PIP4P2: variants seen among roughly 807,000 people sequenced by gnomAD.
The protein encoded by PIP4P2 is phosphatidylinositol-4,5-bisphosphate 4-phosphatase 2, also known as type 2 phosphatidylinositol 4,5-bisphosphate 4-phosphatase.
A neutral mutation model predicts 33.3 loss-of-function variants in PIP4P2; 19 were observed. That is an observed-to-expected ratio of 0.57 (90% CI 0.40 to 0.84). The LOEUF (loss-of-function observed/expected upper bound fraction) is 0.84. Ranked by LOEUF, PIP4P2 falls within the 40% of genes least tolerant of loss-of-function variation. The pLI, the probability that PIP4P2 is intolerant of heterozygous loss-of-function variation, is 0.00. For synonymous variants in PIP4P2, 110 were observed against 111.9 expected (o/e 0.98, Z 0.11); for missense variants, 270 against 324.7 (o/e 0.83, Z 1.29).
intron 1 of PIP4P2, among the ~76,000 whole-genome samples, chr8:91,029,322 G>C (rs1812125750): frequency 6.6e-6 from 1 of 151,846 alleles, no homozygotes; most frequent in South Asian, 2.1e-4. Context: ...AATTACTAAA[G>C]AAATCTAGGA....
intron 5 of PIP4P2, among the ~76,000 whole-genome samples, chr8:91,005,033 G>C (rs540008859): frequency 5.3e-5 from 8 of 152,224 alleles, no homozygotes; most frequent in African/African-American, 1.9e-4. Context: ...TGAAGGAAGG[G>C]AGAAGCCATG....
At chr8:91,025,228 T>C (rs1422673363) in intron 1 of PIP4P2, among the ~76,000 whole-genome samples, 2 of 152,024 alleles carry the variant, frequency 1.3e-5, no homozygotes, top group Non-Finnish European at 2.9e-5. Flanking sequence ...AGAAGAATCA[T>C]TTCACAGTAA....
At chr8:91,001,559 A>G (rs1006572675) in intron 5 of PIP4P2, among the ~76,000 whole-genome samples, 28 of 152,154 alleles carry the variant, frequency 1.8e-4, no homozygotes, top group African/African-American at 6.3e-4. Context: ...GCATGTGTCA[A>G]ATTTGCTACA....
At chr8:91,012,561 T>C (rs1177739293) in intron 4 of PIP4P2, among the ~76,000 whole-genome samples, 1 of 152,142 alleles carries the variant, frequency 6.6e-6, no homozygotes, top group Non-Finnish European at 1.5e-5. Context: ...GTATACAGTG[T>C]TCCCCTAATC....
intron 1 of PIP4P2, among the ~76,000 whole-genome samples, chr8:91,027,818 T>TG (rs931293313): frequency 1.3e-5 from 2 of 152,178 alleles, no homozygotes; most frequent in Admixed American, 6.5e-5. Flanking sequence ...TTAGGAATGT[T>TG]GAAGTGGATT....
chr8:91,019,283 T>TG (rs1178706598), intron 3 of PIP4P2, among the ~76,000 whole-genome samples: 2 of 150,490 alleles, frequency 1.3e-5, no homozygotes, highest in Non-Finnish European at 3.0e-5. Context: ...CTTTTTTTTT[T>TG]TTAAGAGATG....
chr8:91,020,025 AT>A (rs1811983659), intron 3 of PIP4P2, 131 bp downstream of exon 3: 5 of 809,900 alleles, frequency 6.2e-6, no homozygotes, highest in Non-Finnish European at 5.8e-6. Flanking sequence ...TAACAAAAAA[AT>A]AATCTAGATT....
chr8:90,998,541 C>T (rs2130347722), intron 5 of PIP4P2, among the ~76,000 whole-genome samples: 1 of 152,076 alleles, frequency 6.6e-6, no homozygotes, highest in Non-Finnish European at 1.5e-5. Flanking sequence ...ATATATATTA[C>T]TGGTACAAAA....
chr8:91,015,274 A>T (rs1202386058), intron 4 of PIP4P2, among the ~76,000 whole-genome samples: 3 of 152,126 alleles, frequency 2.0e-5, no homozygotes, highest in Non-Finnish European at 4.4e-5. Flanking sequence ...TGATACTAAT[A>T]GCTGACAGCT....
Position 91,020,159 on chromosome 8 carries a change from G to T in PIP4P2, c.360C>A (p.Asn120Lys), listed in dbSNP as rs1811986091. Residue 120 changes from asparagine (N) to lysine (K), a missense_variant and splice_region_variant, in exon 3 of 7, where the codon AAC (asparagine) becomes AAA (lysine). Asn to Lys is a moderately conservative substitution (Grantham distance 94). Transcript: ENST00000285419. ...ATGAATTAATCTTTATCTCTTACCA[G>T]TTGGGTCTTGGGCATCCTATTCGCC... is the stretch of plus-strand genomic sequence containing the variant. Reference protein sequence around the residue: ...TSRRIGCPRPNCRRIINLGPV... With the variant: ...TSRRIGCPRPKCRRIINLGPV... The T allele has an allele frequency of 6.2e-7, 1 of 1,613,050 alleles. No individual in the cohort carries two copies. Among genetic ancestry groups the T allele is most frequent in the Admixed American group, 1.7e-5 (1 of 59,914 alleles).
At chr8:91,020,702 T>C (rs1274793126) in intron 2 of PIP4P2, among the ~76,000 whole-genome samples, 1 of 152,194 alleles carries the variant, frequency 6.6e-6, no homozygotes, top group Non-Finnish European at 1.5e-5. Context: ...AGGAAAGGTG[T>C]TATTCAATAT....
chr8:91,004,327 T>C (rs765476243), intron 5 of PIP4P2, among the ~76,000 whole-genome samples: 2 of 152,046 alleles, frequency 1.3e-5, no homozygotes, highest in Non-Finnish European at 2.9e-5. Context: ...GCTTTTTTTT[T>C]TTCTATTGGG....
intron 5 of PIP4P2, among the ~76,000 whole-genome samples, chr8:91,001,682 T>A (rs1811701802): frequency 6.6e-6 from 1 of 152,110 alleles, no homozygotes; most frequent in Admixed American, 6.6e-5. Context: ...TACTCCATAT[T>A]TAATAATTAT....
chr8:91,002,120 G>A (rs1215984124), intron 5 of PIP4P2, among the ~76,000 whole-genome samples: 1 of 152,032 alleles, frequency 6.6e-6, no homozygotes, highest in Non-Finnish European at 1.5e-5. Flanking sequence ...GCTACCTTGT[G>A]TGAGGCCAAT....
chr8:91,011,205 C>T (rs948483575), intron 4 of PIP4P2, among the ~76,000 whole-genome samples: 2 of 151,904 alleles, frequency 1.3e-5, no homozygotes, highest in Non-Finnish European at 2.9e-5. Context: ...CTAAATTGGC[C>T]CACTTCAGGG....
At chr8:90,996,898 A>AT (rs1384102145) in intron 5 of PIP4P2, among the ~76,000 whole-genome samples, 154 bp from the exon 6 acceptor site, 8 of 152,266 alleles carry the variant, frequency 5.3e-5, no homozygotes, top group African/African-American at 1.4e-4. Context: ...TAAACATGTC[A>AT]TTTTTAATGG....
intron 4 of PIP4P2, among the ~76,000 whole-genome samples, chr8:91,009,388 T>C (rs1811802058): frequency 6.6e-6 from 1 of 152,050 alleles, no homozygotes. Flanking sequence ...TTCAGATACT[T>C]GAAATGACTT....
At chr8:91,002,478 AG>A (rs1299043141) in intron 5 of PIP4P2, among the ~76,000 whole-genome samples, 2 of 152,190 alleles carry the variant, frequency 1.3e-5, no homozygotes, top group Non-Finnish European at 2.9e-5. Flanking sequence ...TAGTGTAGCT[AG>A]TGCTACAGGA....
chr8:91,031,920 G>A (rs909386971), intron 1 of PIP4P2, among the ~76,000 whole-genome samples: 2 of 151,868 alleles, frequency 1.3e-5, no homozygotes, highest in Admixed American at 6.6e-5. Flanking sequence ...AAATATAAAA[G>A]CCAAAGGTAA....
Sources: allele counts gnomAD v4.1 joint callset (sites outside exome capture counted in the v4.1 genomes callset), GRCh38; gene constraint gnomAD v4.1.1; transcripts MANE v1.5; gene names NCBI Gene and HGNC (gene_info 2026-07-23, HGNC 2026-07-21).